Variants in IFNAR1 observed in about 807,000 individuals in gnomAD.
IFNAR1 encodes the protein interferon alpha/beta receptor 1.
A neutral mutation model predicts 62.1 loss-of-function variants in IFNAR1; 47 were observed. The observed-to-expected ratio is 0.76, with a 90% CI of 0.60 to 0.97. The LOEUF (loss-of-function observed/expected upper bound fraction) is 0.97. IFNAR1 is among the 50% of genes least tolerant of loss of function. IFNAR1 has a pLI of 0.00. For synonymous variants in IFNAR1, 219 were observed against 226.9 expected (o/e 0.97, Z 0.31); for missense variants, 638 against 654.5 (o/e 0.97, Z 0.27).
At chr21:33,336,835 C>A (rs1013275116) in intron 2 of IFNAR1, among the ~76,000 whole-genome samples, 2 of 150,106 alleles carry the variant, frequency 1.3e-5, no homozygotes, top group Admixed American at 6.7e-5. Context: ...ACTGCAACCT[C>A]CACTTCCCGG....
chr21:33,335,997 T>A (rs1263062099), intron 2 of IFNAR1, among the ~76,000 whole-genome samples: 4 of 148,490 alleles, frequency 2.7e-5, no homozygotes, highest in African/African-American at 9.9e-5. Context: ...TATGTATACA[T>A]GTGCCATGCT....
chr21:33,344,962 AT>A (rs2083331628), intron 5 of IFNAR1, among the ~76,000 whole-genome samples: 1 of 151,498 alleles, frequency 6.6e-6, no homozygotes. Flanking sequence ...TAATTTTTGT[AT>A]TTTTAGTAGA....
intron 2 of IFNAR1, among the ~76,000 whole-genome samples, chr21:33,339,818 G>C (rs905983791): frequency 6.7e-6 from 1 of 150,244 alleles, no homozygotes; most frequent in African/African-American, 2.4e-5. Context: ...ATCACAGCTA[G>C]TTGAGAGGCT....
chr21:33,349,012 T>C, intron 6 of IFNAR1, 79 bp from the exon 7 acceptor site: 1 of 830,344 alleles, frequency 1.2e-6, no homozygotes, highest in Non-Finnish European at 1.9e-6. Flanking sequence ...TTCTGTAACC[T>C]TAGCCCCTAA....
At chr21:33,329,693 T>C (rs1000936944) in intron 1 of IFNAR1, among the ~76,000 whole-genome samples, 3 of 152,210 alleles carry the variant, frequency 2.0e-5, no homozygotes, top group African/African-American at 7.2e-5. Context: ...AAAAAATATA[T>C]AACTTATCAA....
intron 1 of IFNAR1, among the ~76,000 whole-genome samples, chr21:33,328,796 G>A (rs1226932589): frequency 2.0e-5 from 3 of 152,036 alleles, no homozygotes; most frequent in African/African-American, 7.2e-5. Flanking sequence ...AATGTGAAAG[G>A]TTGAAAGCAA....
At chr21:33,347,439 G>A (rs1234320958) in intron 6 of IFNAR1, among the ~76,000 whole-genome samples, 4 of 151,724 alleles carry the variant, frequency 2.6e-5, no homozygotes, top group African/African-American at 4.8e-5. Context: ...CATTTTTTTT[G>A]TATTTTTAGT....
At position 33,339,413 on chromosome 21, in the gene IFNAR1, G is replaced by T. The variant is rs73364229; in HGVS notation, c.201-1586G>T. Among the ~76,000 whole-genome samples the T allele has an allele frequency of 8.0e-4, 122 of 152,178 alleles. 1 individual carries two copies. The highest frequency in any genetic ancestry group is 3.4e-3 in the Middle Eastern group (1 of 294). On this transcript the variant is annotated intron_variant, in intron 2 of 10. Coordinates refer to ENST00000270139, the MANE Select transcript of IFNAR1 (RefSeq NM_000629.3). ...AATTTCTTAAAAATGTTTCCATTTT[G>T]AAAAACAAGGTAGACTTGTATTTGG...
In IFNAR1 at chr21:33,349,112, T is replaced by C; in HGVS notation, c.810T>C (p.Pro270=). The C allele has an allele frequency of 6.3e-7, 1 of 1,599,890 alleles. No homozygotes were observed. The highest frequency in any genetic ancestry group is 1.1e-5 in the South Asian group (1 of 87,626). ...QWLHAFLKRN[P]GNHLYKWKQI... is the part of the protein sequence containing the mutation. ...AAAGCGCCTTTTTAAAAAGGAATCCTGGAAACCATTTGTATAAATGGAAAC... is the reference window on the plus strand; with the variant it reads ...AAAGCGCCTTTTTAAAAAGGAATCCCGGAAACCATTTGTATAAATGGAAAC... The change falls in exon 7 of 11, where the codon CCT becomes CCC. Residue 270 remains proline, a synonymous_variant. Transcript: ENST00000270139.
chr21:33,326,082 A>G (rs1485932788), intron 1 of IFNAR1, among the ~76,000 whole-genome samples: 2 of 152,308 alleles, frequency 1.3e-5, no homozygotes, highest in East Asian at 1.9e-4. Context: ...TGTTATCTCA[A>G]TGAGATTGTA....
Position 33,325,092 on chromosome 21 carries a change from CTCG to C in IFNAR1, c.41_43del (p.Val14del). 1.2e-6 allele frequency: 2 copies of C among 1,611,052 alleles called. No homozygotes were observed. The highest frequency in any genetic ancestry group is 1.7e-6 in the Non-Finnish European group (2 of 1,179,324). ...CCTCCTGGGCGCGACGACCCTAGTGCTCGTCGCCGTGGCGCCATGGGTGTTGTC... is the reference window on the plus strand; with the variant it reads ...CCTCCTGGGCGCGACGACCCTAGTGCTCGCCGTGGCGCCATGGGTGTTGTC... On this transcript the variant is annotated inframe_deletion, in exon 1 of 11. Transcript: ENST00000270139.
chr21:33,334,551 A>G, intron 1 of IFNAR1: 1 of 505,466 alleles, frequency 2.0e-6, no homozygotes, highest in Non-Finnish European at 3.9e-6. Context: ...CATTACCGCT[A>G]GAACTGCCCT....
intron 1 of IFNAR1, among the ~76,000 whole-genome samples, chr21:33,333,224 A>G (rs1478852576): frequency 2.0e-5 from 3 of 152,244 alleles, no homozygotes; most frequent in Admixed American, 2.0e-4. Flanking sequence ...CAAGAATGCT[A>G]TGCCCAGCAA....
Position 33,335,915 on chromosome 21 carries a change from C to CTT in IFNAR1, c.200+283_200+284dup, listed in dbSNP as rs200187308. Among the ~76,000 whole-genome samples the CTT allele has an allele frequency of 4.7e-3, 634 of 135,082 alleles. 4 individuals carry two copies. Among genetic ancestry groups the CTT allele is most frequent in the African/African-American group, 0.014 (516 of 36,448 alleles). The allele number at this position is 135,082 out of a possible 152,430, so 88.6% of individuals were successfully genotyped here. On this transcript the variant is annotated intron_variant, in intron 2 of 10. Coordinates refer to ENST00000270139, the MANE Select transcript of IFNAR1 (RefSeq NM_000629.3). ...TTCTTTCTTCTGGGTGTTCCAGCTTCTTTTTTTTTTTTTTTTAATTATTAT... is the reference window on the plus strand; with the variant it reads ...TTCTTTCTTCTGGGTGTTCCAGCTTCTTTTTTTTTTTTTTTTTTAATTATTAT...
chr21:33,336,801 A>G (rs1165831625), intron 2 of IFNAR1, among the ~76,000 whole-genome samples: 1 of 131,996 alleles, frequency 7.6e-6, no homozygotes, highest in East Asian at 2.2e-4. Context: ...ACCAGGCTGG[A>G]GTGCAGTGGC....
At chr21:33,342,774 A>G (rs11909254) in intron 3 of IFNAR1, among the ~76,000 whole-genome samples, 3,168 of 150,068 alleles carry the variant, frequency 0.021, 112 homozygotes, top group African/African-American at 0.073. Context: ...GGAGAATGAC[A>G]TGAACCCGGG....
intron 9 of IFNAR1, among the ~76,000 whole-genome samples, 160 bp from the exon 10 acceptor site, chr21:33,353,478 A>G (rs118092655): frequency 1.3e-5 from 2 of 152,280 alleles, no homozygotes; most frequent in South Asian, 2.1e-4. Flanking sequence ...GTCATTGCCT[A>G]TGGTTGCTGT....
At chr21:33,327,215 G>GA (rs2083134797) in intron 1 of IFNAR1, among the ~76,000 whole-genome samples, 1 of 152,122 alleles carries the variant, frequency 6.6e-6, no homozygotes, top group Non-Finnish European at 1.5e-5. Context: ...GGTTTGATGT[G>GA]AAAAAAGCTT....
intron 1 of IFNAR1, among the ~76,000 whole-genome samples, chr21:33,328,362 G>T (rs1376243104): frequency 6.6e-6 from 1 of 152,098 alleles, no homozygotes; most frequent in Non-Finnish European, 1.5e-5. Flanking sequence ...AGAGAGGAGG[G>T]TATAATGAGG....
Sources: gnomAD v4.1 joint callset for allele counts (sites outside exome capture counted in the v4.1 genomes callset) on GRCh38, gnomAD v4.1.1 for gene constraint, MANE v1.5 for transcripts, NCBI Gene and HGNC (gene_info 2026-07-23, HGNC 2026-07-21) for gene names.